The following PCDH9 variants were observed in gnomAD, a reference collection of about 807,000 sequenced individuals.
The protein encoded by PCDH9 is protocadherin-9.
A neutral mutation model predicts 70.6 loss-of-function variants in PCDH9; 24 were observed. The ratio of observed to expected loss-of-function variants is 0.34; its 90% CI spans 0.25 to 0.48. The LOEUF (loss-of-function observed/expected upper bound fraction) is 0.48, where lower values mean the gene tolerates loss of function less well. Among genes scored for constraint, PCDH9 ranks in the 20% least tolerant of loss-of-function variants. The pLI is 0.99. For missense variants in PCDH9, 1,281 were observed against 1,503.6 expected (o/e 0.85, Z 2.45); for synonymous variants, 562 against 558.5 (o/e 1.01, Z -0.09).
chr13:66,860,814 G>A (rs2081470365), intron 3 of PCDH9, among the ~76,000 whole-genome samples: 1 of 152,190 alleles, frequency 6.6e-6, no homozygotes, highest in Non-Finnish European at 1.5e-5. Flanking sequence ...CAGTCTCTCT[G>A]AAAGAAGCAG....
intron 3 of PCDH9, among the ~76,000 whole-genome samples, chr13:66,854,306 C>A (rs2081360416): frequency 1.3e-5 from 2 of 152,072 alleles, no homozygotes; most frequent in Admixed American, 1.3e-4. Context: ...AAGTCCCTGA[C>A]CTGACATTTC....
intron 2 of PCDH9, among the ~76,000 whole-genome samples, chr13:67,173,855 C>A (rs2088366209): frequency 6.6e-6 from 1 of 152,018 alleles, no homozygotes; most frequent in Non-Finnish European, 1.5e-5. Flanking sequence ...TATAGAGTTG[C>A]ATGCATGAAT....
intron 2 of PCDH9, among the ~76,000 whole-genome samples, chr13:67,182,837 A>G (rs1245012318): frequency 6.6e-6 from 1 of 152,096 alleles, no homozygotes; most frequent in East Asian, 1.9e-4. Flanking sequence ...AGGTGTTCTC[A>G]TTATGCCATA....
At chr13:67,098,118 T>C (rs796599683) in intron 2 of PCDH9, among the ~76,000 whole-genome samples, 2 of 151,972 alleles carry the variant, frequency 1.3e-5, no homozygotes, top group African/African-American at 4.8e-5. Context: ...TTACCAAGAT[T>C]CAAAAGAAAC....
intron 3 of PCDH9, among the ~76,000 whole-genome samples, chr13:66,800,508 A>G (rs903011842): frequency 2.0e-5 from 3 of 152,160 alleles, no homozygotes; most frequent in Non-Finnish European, 2.9e-5. Context: ...CACCAAGACC[A>G]CAAGGCTTTG....
intron 2 of PCDH9, among the ~76,000 whole-genome samples, chr13:66,927,237 T>A (rs1161319464): frequency 6.6e-6 from 1 of 152,036 alleles, no homozygotes; most frequent in Non-Finnish European, 1.5e-5. Context: ...TAAGATCATG[T>A]TCTTTGCAGG....
In PCDH9 at chr13:66,304,727, A is replaced by G; in HGVS notation, c.3642T>C (p.Ile1214=). ...HFNNGSHMTD[I]PLANLKSYKQ... ...TATAAGACTTCAGATTTGCCAGAGG[A>G]ATGTCTGTCATGTGGCTGCCATTGT... Residue 1214 remains isoleucine (I), a synonymous_variant, in exon 5 of 5, where the codon ATT becomes ATC. Transcript: ENST00000377865. 1 of 1,613,248 alleles carries G rather than the reference A, an allele frequency of 6.2e-7. No individual in the cohort carries two copies. Among genetic ancestry groups the G allele is most frequent in the Non-Finnish European group, 8.5e-7 (1 of 1,179,512 alleles).
chr13:66,579,478 A>T (rs1217500698), intron 4 of PCDH9, among the ~76,000 whole-genome samples: 2 of 152,090 alleles, frequency 1.3e-5, no homozygotes, highest in African/African-American at 4.8e-5. Flanking sequence ...CTGCTATGAG[A>T]AATATATTCC....
intron 4 of PCDH9, among the ~76,000 whole-genome samples, chr13:66,421,936 TAGGCTCA>T (rs1957575493): frequency 6.6e-6 from 1 of 152,092 alleles, no homozygotes; most frequent in South Asian, 2.1e-4. Context: ...AAGACACACA[TAGGCTCA>T]AAATAAAGGC....
At chr13:66,413,543 G>A (rs907952184) in intron 4 of PCDH9, among the ~76,000 whole-genome samples, 8 of 151,796 alleles carry the variant, frequency 5.3e-5, no homozygotes, top group African/African-American at 1.9e-4. Context: ...AAAATTAGCC[G>A]GGCATGGTGG....
chr13:66,727,284 T>A (rs1189577178), intron 3 of PCDH9, among the ~76,000 whole-genome samples: 3 of 152,012 alleles, frequency 2.0e-5, no homozygotes, highest in Non-Finnish European at 4.4e-5. Context: ...TAAAATAAAA[T>A]AAAAATTTTA....
chr13:66,460,947 T>G (rs1408521120), intron 4 of PCDH9, among the ~76,000 whole-genome samples: 1 of 151,904 alleles, frequency 6.6e-6, no homozygotes, highest in Non-Finnish European at 1.5e-5. Flanking sequence ...TTAGCATTTA[T>G]GAAAAAGATC....
At chr13:66,695,195 G>A (rs559196933) in intron 3 of PCDH9, among the ~76,000 whole-genome samples, 1 of 152,112 alleles carries the variant, frequency 6.6e-6, no homozygotes, top group Admixed American at 6.6e-5. Context: ...GAGCCACCGC[G>A]CCCGGTATAT....
intron 3 of PCDH9, among the ~76,000 whole-genome samples, chr13:66,895,181 G>A (rs373197594): frequency 6.6e-6 from 1 of 152,074 alleles, no homozygotes; most frequent in Non-Finnish European, 1.5e-5. Flanking sequence ...TTTATAATAC[G>A]AACTGTTTAT....
chr13:66,337,766 A>C (rs975432401), intron 4 of PCDH9, among the ~76,000 whole-genome samples: 10 of 152,086 alleles, frequency 6.6e-5, no homozygotes, highest in Non-Finnish European at 1.5e-5. Flanking sequence ...ACACAAAGTA[A>C]ATAAAAGGAC....
intron 3 of PCDH9, among the ~76,000 whole-genome samples, chr13:66,801,607 A>G (rs527730193): frequency 1.3e-5 from 2 of 152,078 alleles, no homozygotes; most frequent in African/African-American, 4.8e-5. Flanking sequence ...ATTAAGGGGA[A>G]AATCTGCTTT....
chr13:66,847,438 A>G (rs181565863), intron 3 of PCDH9, among the ~76,000 whole-genome samples: 3 of 152,322 alleles, frequency 2.0e-5, no homozygotes, highest in African/African-American at 7.2e-5. Flanking sequence ...ACATACATAC[A>G]TAATAAAGTT....
At chr13:66,709,926 C>T (rs1593931771) in intron 3 of PCDH9, among the ~76,000 whole-genome samples, 2 of 152,170 alleles carry the variant, frequency 1.3e-5, no homozygotes, top group Admixed American at 6.5e-5. Flanking sequence ...AAGGTCTAGA[C>T]TGTCAGCAAA....
At chr13:67,180,944 T>TA (rs113940319) in intron 2 of PCDH9, among the ~76,000 whole-genome samples, 4,777 of 152,240 alleles carry the variant, frequency 0.031, 254 homozygotes, top group African/African-American at 0.11. Context: ...TCAACTGCAA[T>TA]AAGCATTATC....
Sources: gnomAD v4.1 joint callset for allele counts (sites outside exome capture counted in the v4.1 genomes callset) on GRCh38, gnomAD v4.1.1 for gene constraint, MANE v1.5 for transcripts, NCBI Gene and HGNC (gene_info 2026-07-23, HGNC 2026-07-21) for gene names.